Variants in STK3 observed in about 807,000 individuals in gnomAD.
The protein encoded by STK3 is serine/threonine-protein kinase 3.
A neutral mutation model predicts 58.0 loss-of-function variants in STK3; 41 were observed. That is an observed-to-expected ratio of 0.71 (90% confidence interval 0.55 to 0.92). The LOEUF (loss-of-function observed/expected upper bound fraction) is 0.92, where lower values mean the gene tolerates loss of function less well. STK3 is among the 40% of genes least tolerant of loss of function. STK3 has a pLI of 0.00. For missense variants in STK3, 479 were observed against 602.7 expected (o/e 0.79, Z 2.15); for synonymous variants, 170 against 191.0 (o/e 0.89, Z 0.91).
At chr8:98,793,952 G>A (rs1386266474) in intron 1 of STK3, among the ~76,000 whole-genome samples, 2 of 152,052 alleles carry the variant, frequency 1.3e-5, no homozygotes, top group African/African-American at 2.4e-5. Context: ...TGACTTTTGG[G>A]TAAACAATTA....
intron 1 of STK3, among the ~76,000 whole-genome samples, chr8:98,444,282 A>G (rs187319455): frequency 1.3e-5 from 2 of 152,316 alleles, no homozygotes; most frequent in East Asian, 3.9e-4. Flanking sequence ...GGCAGGAGCT[A>G]GGCAGATGTA....
intron 6 of STK3, among the ~76,000 whole-genome samples, chr8:98,671,667 G>A (rs1023766707): frequency 6.6e-6 from 1 of 151,844 alleles, no homozygotes; most frequent in African/African-American, 2.4e-5. Flanking sequence ...CTGCAGCCTC[G>A]ACCTCCTGAG....
intron 10 of STK3, among the ~76,000 whole-genome samples, chr8:98,505,599 T>C (rs1823995086): frequency 6.6e-6 from 1 of 152,330 alleles, no homozygotes; most frequent in African/African-American, 2.4e-5. Context: ...TTTATGTTGA[T>C]GTTGATGCTA....
At chr8:98,835,439 C>T (rs1202002507) in intron 3 of STK3, among the ~76,000 whole-genome samples, 1 of 152,272 alleles carries the variant, frequency 6.6e-6, no homozygotes, top group African/African-American at 2.4e-5. Flanking sequence ...CCCAGGGCTG[C>T]TTTTCTGGGT....
intron 10 of STK3, among the ~76,000 whole-genome samples, chr8:98,475,872 C>T (rs568045392): frequency 6.6e-6 from 1 of 152,200 alleles, no homozygotes; most frequent in Non-Finnish European, 1.5e-5. Flanking sequence ...TGCCTATGAC[C>T]TTCTCAGCTC....
chr8:98,741,601 T>C (rs1829216716), intron 4 of STK3, among the ~76,000 whole-genome samples: 1 of 152,124 alleles, frequency 6.6e-6, no homozygotes, highest in South Asian at 2.1e-4. Flanking sequence ...AAGCAGTGTG[T>C]AGAGGGAAAT....
intron 2 of STK3, among the ~76,000 whole-genome samples, chr8:98,376,527 C>T (rs1034747860): frequency 1.3e-5 from 2 of 152,148 alleles, no homozygotes; most frequent in Non-Finnish European, 2.9e-5. Context: ...CCTATGTTTC[C>T]TTCTCAAAAT....
intron 1 of STK3, among the ~76,000 whole-genome samples, chr8:98,895,751 T>G (rs1421959910): frequency 1.3e-5 from 2 of 152,160 alleles, no homozygotes; most frequent in Non-Finnish European, 2.9e-5. Context: ...GTGTTGATCC[T>G]GGAATCTACT....
At chr8:98,427,767 C>T in intron 3 of STK3, 2 of 536,908 alleles carry the variant, frequency 3.7e-6, no homozygotes, top group Non-Finnish European at 3.3e-6. Flanking sequence ...GAAACATACC[C>T]ACCCCCAGCC....
chr8:98,608,763 G>C (rs372635416), intron 6 of STK3, among the ~76,000 whole-genome samples: 1 of 152,136 alleles, frequency 6.6e-6, no homozygotes, highest in Non-Finnish European at 1.5e-5. Context: ...AGCATAGCTT[G>C]ATGCAGTAGT....
intron 2 of STK3, among the ~76,000 whole-genome samples, chr8:98,768,090 C>T (rs1183889674): frequency 6.6e-6 from 1 of 152,192 alleles, no homozygotes; most frequent in Non-Finnish European, 1.5e-5. Context: ...GCCATTTGTA[C>T]CTTAGTATGA....
intron 1 of STK3, among the ~76,000 whole-genome samples, chr8:98,776,425 C>T (rs577100530): frequency 1.5e-4 from 23 of 152,050 alleles, no homozygotes; most frequent in Non-Finnish European, 2.5e-4. Context: ...TGAAAAATCT[C>T]ATTAAATATA....
At chr8:98,824,444 G>C (rs1374370310) in intron 1 of STK3, among the ~76,000 whole-genome samples, 2 of 152,176 alleles carry the variant, frequency 1.3e-5, no homozygotes, top group Non-Finnish European at 2.9e-5. Flanking sequence ...GCTCCTTCCA[G>C]TTCTTCCAGA....
chr8:98,396,061 T>A (rs1411847349), intron 3 of STK3, among the ~76,000 whole-genome samples: 2 of 152,212 alleles, frequency 1.3e-5, no homozygotes, highest in Non-Finnish European at 2.9e-5. Context: ...AACATAAATT[T>A]GAAACACTGT....
chr8:98,705,803 A>G (rs748940519), intron 6 of STK3, among the ~76,000 whole-genome samples: 1 of 152,178 alleles, frequency 6.6e-6, no homozygotes, highest in Non-Finnish European at 1.5e-5. Flanking sequence ...TCACATAGTA[A>G]TAAACCTAAA....
intron 10 of STK3, among the ~76,000 whole-genome samples, chr8:98,523,012 C>T (rs531244909): frequency 2.6e-5 from 4 of 152,254 alleles, no homozygotes; most frequent in African/African-American, 7.2e-5. Flanking sequence ...AAAGGGTGTA[C>T]AACTACCTCT....
chr8:98,599,159 T>C (rs1260908661), intron 6 of STK3, among the ~76,000 whole-genome samples: 1 of 152,180 alleles, frequency 6.6e-6, no homozygotes, highest in Non-Finnish European at 1.5e-5. Context: ...CAAAAGGTTA[T>C]CTTCACAACA....
chr8:98,698,187 C>A (rs1437278191), intron 6 of STK3, among the ~76,000 whole-genome samples: 1 of 151,248 alleles, frequency 6.6e-6, no homozygotes, highest in Non-Finnish European at 1.5e-5. Flanking sequence ...GATTGCAACC[C>A]CTGCCTTTTT....
chr8:98,453,835 A>C (rs1387300066), downstream of STK3, among the ~76,000 whole-genome samples: 2 of 152,218 alleles, frequency 1.3e-5, no homozygotes, highest in Non-Finnish European at 2.9e-5. Context: ...GATTCCATCA[A>C]ATCAGGCAAG....
Sources: gnomAD v4.1 joint callset for allele counts (sites outside exome capture counted in the v4.1 genomes callset) on GRCh38, gnomAD v4.1.1 for gene constraint, MANE v1.5 for transcripts, NCBI Gene and HGNC (gene_info 2026-07-23, HGNC 2026-07-21) for gene names.